The following DENND4A variants were observed in gnomAD, a reference collection of about 807,000 sequenced individuals.
DENND4A encodes C-myc promoter-binding protein.
Under a neutral mutation model 199.3 loss-of-function variants are expected in DENND4A, and 70 were observed. The ratio of observed to expected loss-of-function variants is 0.35; its 90% CI spans 0.29 to 0.43. The LOEUF is 0.43. DENND4A is among the 20% of genes least tolerant of loss of function. The probability of loss-of-function intolerance (pLI) is 1.00; values close to 1 mark genes in which losing one functional copy is unlikely to be tolerated. For synonymous variants in DENND4A, 686 were observed against 766.9 expected (o/e 0.89, Z 1.74); for missense variants, 1,723 against 2,255.8 (o/e 0.76, Z 4.78).
rs553738546 is a variant in DENND4A at position 65,696,351 on chromosome 15, T to C, written c.3082+15A>G. 1 of 1,610,148 alleles carries C rather than the reference T, an allele frequency of 6.2e-7. No homozygotes were observed. Among genetic ancestry groups the C allele is most frequent in the South Asian group, 1.1e-5 (1 of 90,796 alleles). On this transcript the variant is annotated intron_variant, in intron 22 of 32. Coordinates refer to ENST00000443035, the MANE Select transcript of DENND4A (RefSeq NM_001320835.1). ...ATTTATTCCGCACATAACACAAGCG[T>C]ACTATTCAACTTACCCATGCTTTCT...
At chr15:65,716,047 T>C (rs1340897854) in intron 13 of DENND4A, among the ~76,000 whole-genome samples, 1 of 152,014 alleles carries the variant, frequency 6.6e-6, no homozygotes, top group African/African-American at 2.4e-5. Flanking sequence ...TCTTACTTAT[T>C]GAAAACAGAG....
intron 1 of DENND4A, among the ~76,000 whole-genome samples, chr15:65,765,384 T>C (rs2076957270): frequency 1.3e-5 from 2 of 152,258 alleles, no homozygotes; most frequent in South Asian, 4.1e-4. Flanking sequence ...TAAGCCATTA[T>C]CTTTTAACAC....
At chr15:65,709,799 CAAGT>C (rs2075190892) in intron 14 of DENND4A, among the ~76,000 whole-genome samples, 2 of 138,108 alleles carry the variant, frequency 1.4e-5, no homozygotes, top group South Asian at 4.7e-4. Context: ...AAAGCAAATA[CAAGT>C]AATTATGTTT....
At chr15:65,727,452 CAAAAAAA>C (rs35066518) in intron 11 of DENND4A, among the ~76,000 whole-genome samples, 16 of 68,738 alleles carry the variant, frequency 2.3e-4, no homozygotes, top group Non-Finnish European at 3.7e-4. Flanking sequence ...GACTCCGTCT[CAAAAAAA>C]AAAAAAAAAA....
At chr15:65,752,320 T>C in intron 4 of DENND4A, 59 bp downstream of exon 4, 1 of 602,884 alleles carries the variant, frequency 1.7e-6, no homozygotes, top group Non-Finnish European at 2.4e-6. Context: ...AAAAGATGTA[T>C]TTAAAATTAT....
Position 65,691,161 on chromosome 15 carries a change from C to A in DENND4A, c.3433G>T (p.Asp1145Tyr), listed in dbSNP as rs748187510. Residue 1145 changes from aspartate (D) to tyrosine (Y), a missense_variant, in exon 23 of 33, where the codon GAT becomes TAT. Coordinates refer to ENST00000443035, the MANE Select transcript of DENND4A (RefSeq NM_001320835.1). ...TTAGAACCATCAAAAGGTGTATCAT[C>A]ATCACTAGATTCCTTTTCTAGACTG... ...RDSLEKESSD[D>Y]DTPFDGSNYL... 6.2e-7 allele frequency: 1 copy of A among 1,613,490 alleles called. No individual in the cohort carries two copies. The highest frequency in any genetic ancestry group is 1.7e-5 in the Admixed American group (1 of 59,894).
rs1457424426 is a variant in DENND4A, at chr15:65,717,939, AAATCATAG to A, written c.1638_1645del (p.Tyr547Ter). 1 of 1,609,720 alleles carries A rather than the reference AAATCATAG, an allele frequency of 6.2e-7. No individual in the cohort carries two copies. Among genetic ancestry groups the A allele is most frequent in the African/African-American group, 1.3e-5 (1 of 74,990 alleles). ...CATGTGCAACCTCTTTCCAGAATTAAAATCATAGTCATTTATTGCTAAATCCATGAGTC... is the reference window on the plus strand; with the variant it reads ...CATGTGCAACCTCTTTCCAGAATTAATCATTTATTGCTAAATCCATGAGTC... On this transcript the variant is annotated frameshift_variant, in exon 13 of 33. Transcript: ENST00000443035. LOFTEE classifies it high-confidence loss of function.
chr15:65,764,972 C>CAAAAAA (rs35902836), intron 1 of DENND4A, among the ~76,000 whole-genome samples: 27 of 95,826 alleles, frequency 2.8e-4, no homozygotes, highest in African/African-American at 8.5e-4. Flanking sequence ...ACCCTGTCTC[C>CAAAAAA]AAAAAAAAAA....
intron 12 of DENND4A, among the ~76,000 whole-genome samples, chr15:65,720,580 T>A (rs1013933418): frequency 6.6e-6 from 1 of 151,684 alleles, no homozygotes; most frequent in Non-Finnish European, 1.5e-5. Flanking sequence ...TCCGGGTAAT[T>A]TTTGTATTTT....
chr15:65,766,136 A>G (rs865875367), intron 1 of DENND4A, among the ~76,000 whole-genome samples: 3 of 151,872 alleles, frequency 2.0e-5, no homozygotes, highest in Non-Finnish European at 4.4e-5. Flanking sequence ...CTGTAGTCCC[A>G]GCTACTCAGG....
intron 14 of DENND4A, among the ~76,000 whole-genome samples, chr15:65,714,118 T>G (rs191625695): frequency 2.0e-5 from 3 of 152,218 alleles, no homozygotes; most frequent in African/African-American, 7.2e-5. Flanking sequence ...AATAAGAAAC[T>G]TTATTATCTT....
chr15:65,786,665 TGATA>T (rs1232059937), intron 1 of DENND4A, among the ~76,000 whole-genome samples: 2 of 152,172 alleles, frequency 1.3e-5, no homozygotes, highest in African/African-American at 2.4e-5. Flanking sequence ...CATCCCTATG[TGATA>T]GATGAGGACA....
At chr15:65,741,877 T>C in intron 4 of DENND4A, 93 bp from the exon 5 acceptor site, 1 of 844,422 alleles carries the variant, frequency 1.2e-6, no homozygotes, top group Non-Finnish European at 1.7e-6. Context: ...ATGTATTATC[T>C]AATATGTAGT....
chr15:65,676,727 A>G, intron 23 of DENND4A, 93 bp from the exon 24 acceptor site: 1 of 960,052 alleles, frequency 1.0e-6, no homozygotes, highest in Non-Finnish European at 1.5e-6. Flanking sequence ...TTATCACCTA[A>G]CTACCCAGAT....
At chr15:65,723,564 A>C (rs2075712101) in intron 11 of DENND4A, among the ~76,000 whole-genome samples, 1 of 152,148 alleles carries the variant, frequency 6.6e-6, no homozygotes, top group Non-Finnish European at 1.5e-5. Flanking sequence ...AAAATGATAA[A>C]GCAGTTTCCC....
chr15:65,745,452 T>C (rs1596581989), intron 4 of DENND4A, among the ~76,000 whole-genome samples: 1 of 152,252 alleles, frequency 6.6e-6, no homozygotes, highest in East Asian at 1.9e-4. Flanking sequence ...AAAGCATTTA[T>C]AAAAATAAAA....
At chr15:65,787,899 C>T (rs2077608255) in intron 1 of DENND4A, among the ~76,000 whole-genome samples, 1 of 152,114 alleles carries the variant, frequency 6.6e-6, no homozygotes, top group South Asian at 2.1e-4. Flanking sequence ...AGACCATTGC[C>T]TACTGACTGA....
At chr15:65,682,937 G>A (rs545449961) in intron 23 of DENND4A, among the ~76,000 whole-genome samples, 5 of 152,030 alleles carry the variant, frequency 3.3e-5, no homozygotes, top group African/African-American at 1.2e-4. Flanking sequence ...ATCTTATATG[G>A]GAACAGTTCA....
At chr15:65,774,187 C>G (rs2077215959) in intron 1 of DENND4A, among the ~76,000 whole-genome samples, 1 of 151,690 alleles carries the variant, frequency 6.6e-6, no homozygotes, top group African/African-American at 2.4e-5. Flanking sequence ...GAAACCCTGT[C>G]TCTACTAAAA....
Sources: gnomAD v4.1 joint callset for allele counts (sites outside exome capture counted in the v4.1 genomes callset) on GRCh38, gnomAD v4.1.1 for gene constraint, MANE v1.5 for transcripts, NCBI Gene and HGNC (gene_info 2026-07-23, HGNC 2026-07-21) for gene names.